The following MDGA2 variants were observed in gnomAD, a reference collection of about 807,000 sequenced individuals.
MDGA2 encodes MAM domain-containing glycosylphosphatidylinositol anchor protein 2.
A neutral mutation model predicts 117.8 loss-of-function variants in MDGA2; 40 were observed. The ratio of observed to expected loss-of-function variants is 0.34; its 90% confidence interval spans 0.26 to 0.44. The LOEUF is 0.44. MDGA2 is among the 20% of genes least tolerant of loss of function. The pLI is 1.00. For missense variants in MDGA2, 1,123 were observed against 1,250.6 expected (o/e 0.90, Z 1.54); for synonymous variants, 452 against 439.0 (o/e 1.03, Z -0.37).
Position 46,947,285 on chromosome 14 carries a change from TTAA to T in MDGA2, c.2089+10086_2089+10088del, listed in dbSNP as rs1885204569. Among the ~76,000 whole-genome samples the T allele has an allele frequency of 2.0e-5, 3 of 152,154 alleles. 1 individual carries two copies. The South Asian group carries it at 6.2e-4, about 32-fold the overall frequency. ...CTCTGCATGTCAAGTTGCACAAAGT[TTAA>T]TGTCTATATAATTCTAAATCCTGTA... On this transcript the variant is annotated intron_variant, in intron 9 of 16. Transcript: ENST00000399232.
chr14:47,587,684 T>C (rs921633296), intron 1 of MDGA2, among the ~76,000 whole-genome samples: 3 of 151,978 alleles, frequency 2.0e-5, no homozygotes, highest in Non-Finnish European at 4.4e-5. Flanking sequence ...CTGAATTTTA[T>C]TTTTTAACAT....
intron 2 of MDGA2, among the ~76,000 whole-genome samples, chr14:47,280,704 C>T (rs1315963455): frequency 2.0e-5 from 3 of 151,790 alleles, no homozygotes; most frequent in African/African-American, 7.3e-5. Context: ...TAAACCGACT[C>T]AAAAGTAAAA....
At chr14:47,047,601 T>TC (rs1487267570) in intron 7 of MDGA2, among the ~76,000 whole-genome samples, 1 of 152,068 alleles carries the variant, frequency 6.6e-6, no homozygotes, top group East Asian at 1.9e-4. Flanking sequence ...ACTCATAACC[T>TC]CTTAAGCCAA....
chr14:46,930,278 G>C (rs1356421726), intron 9 of MDGA2, among the ~76,000 whole-genome samples: 1 of 152,068 alleles, frequency 6.6e-6, no homozygotes, highest in African/African-American at 2.4e-5. Context: ...TGTAGATGCA[G>C]TACAAGCAAT....
intron 5 of MDGA2, among the ~76,000 whole-genome samples, chr14:47,115,506 G>GT (rs1033025432): frequency 2.8e-4 from 42 of 151,362 alleles, no homozygotes; most frequent in East Asian, 2.1e-3. Flanking sequence ...GATATATCAA[G>GT]TTTTTTTTTA....
chr14:47,433,063 A>G (rs1048776066), intron 1 of MDGA2, among the ~76,000 whole-genome samples: 2 of 152,128 alleles, frequency 1.3e-5, no homozygotes, highest in African/African-American at 4.8e-5. Context: ...TGAGCCAGTA[A>G]TGATAGATAT....
In MDGA2 at chr14:47,548,564, A is replaced by G. The variant is rs183899981; in HGVS notation, c.280+125953T>C. 1.1e-3 allele frequency among the ~76,000 whole-genome samples: 172 copies of G among 152,306 alleles called. 1 individual carries two copies. Among genetic ancestry groups the G allele is most frequent in the Non-Finnish European group, 1.9e-3 (131 of 68,024 alleles). On this transcript the variant is annotated intron_variant, in intron 1 of 16. Transcript: ENST00000399232. ...GATGAGACAGAGATTTCTTAAATGC[A>G]TTGAACCAGTAAGTTTCTTAGCTTT... is the stretch of plus-strand genomic sequence containing the variant.
At position 47,251,943 on chromosome 14, in the gene MDGA2, T is replaced by C. The variant is rs938586486; in HGVS notation, c.421-33748A>G. ...GTTGGTTTCTCTTGTATTATTATTA[T>C]TATTATTATTATTGGTGGTGGTTTG... is the stretch of plus-strand genomic sequence containing the variant. On this transcript the variant is annotated intron_variant, in intron 2 of 16. Coordinates refer to ENST00000399232, the MANE Select transcript of MDGA2 (RefSeq NM_001113498.3). 2.2e-4 allele frequency among the ~76,000 whole-genome samples: 34 copies of C among 151,890 alleles called. No individual in the cohort carries two copies. The South Asian group carries it at 6.7e-3, about 30-fold the overall frequency.
At chr14:47,240,023 G>C (rs1192231545) in intron 2 of MDGA2, among the ~76,000 whole-genome samples, 63 of 151,640 alleles carry the variant, frequency 4.2e-4, no homozygotes, top group Non-Finnish European at 1.5e-5. Context: ...TGGAAGGATA[G>C]ACATTATTTT....
intron 10 of MDGA2, among the ~76,000 whole-genome samples, chr14:46,883,904 A>G (rs770063422): frequency 6.6e-6 from 1 of 152,082 alleles, no homozygotes; most frequent in Non-Finnish European, 1.5e-5. Flanking sequence ...GTATCTAAAC[A>G]TATAGTATGC....
chr14:47,254,326 C>T (rs1297428720), intron 2 of MDGA2, among the ~76,000 whole-genome samples: 1 of 152,126 alleles, frequency 6.6e-6, no homozygotes, highest in Non-Finnish European at 1.5e-5. Flanking sequence ...GCTGTGTTTC[C>T]TCTTGAATGC....
At chr14:47,104,584 T>A (rs1420461321) in intron 5 of MDGA2, among the ~76,000 whole-genome samples, 3 of 150,752 alleles carry the variant, frequency 2.0e-5, no homozygotes, top group African/African-American at 7.3e-5. Flanking sequence ...CTGACTCTCT[T>A]TTCGGACTCA....
At chr14:47,040,351 T>G (rs1053908959) in intron 7 of MDGA2, among the ~76,000 whole-genome samples, 26 of 152,044 alleles carry the variant, frequency 1.7e-4, no homozygotes, top group African/African-American at 6.3e-4. Context: ...TATTTCCCTC[T>G]TTTTTTTACT....
At chr14:47,383,013 A>G (rs532040995) in intron 1 of MDGA2, among the ~76,000 whole-genome samples, 6 of 152,342 alleles carry the variant, frequency 3.9e-5, no homozygotes, top group Non-Finnish European at 7.3e-5. Context: ...ACCAGGAAAT[A>G]CTATGCAGCC....
intron 6 of MDGA2, among the ~76,000 whole-genome samples, chr14:47,064,563 T>C (rs141275395): frequency 1.4e-3 from 213 of 152,204 alleles, no homozygotes; most frequent in African/African-American, 4.9e-3. Context: ...TCTGGGTACA[T>C]TGAGAATTTG....
At chr14:47,272,263 G>A (rs1158091697) in intron 2 of MDGA2, among the ~76,000 whole-genome samples, 6 of 152,188 alleles carry the variant, frequency 3.9e-5, no homozygotes, top group South Asian at 2.1e-4. Context: ...ACAACCCCAC[G>A]AGGGAGGCAT....
intron 2 of MDGA2, among the ~76,000 whole-genome samples, chr14:47,274,560 C>A (rs991559470): frequency 6.6e-6 from 1 of 151,860 alleles, no homozygotes; most frequent in Non-Finnish European, 1.5e-5. Flanking sequence ...AGTTTTTGTG[C>A]GAAGGTATGT....
Position 47,035,224 on chromosome 14 carries a change from C to T in MDGA2, c.1606G>A (p.Val536Ile). 1 of 1,614,128 alleles carries T rather than the reference C, an allele frequency of 6.2e-7. No homozygotes were observed. Among genetic ancestry groups the T allele is most frequent in the Non-Finnish European group, 8.5e-7 (1 of 1,180,022 alleles). Residue 536 changes from valine to isoleucine, a missense_variant, in exon 8 of 17, where the codon GTA becomes ATA. By Grantham distance (29) the Val-to-Ile change is conservative. Around this residue, in one of 2 missense-constraint regions of MDGA2, gnomAD observed 890 missense variants for 1,050.3 expected, o/e 0.85. Coordinates refer to ENST00000399232, the MANE Select transcript of MDGA2 (RefSeq NM_001113498.3). The part of the protein sequence containing the change: ...EGDTIELQCQ[V>I]TGKPKPIILW... ...ATGATTGGTTTAGGTTTGCCAGTTA[C>T]TTGACATTGCAGTTCTATTGTGTCT... is the stretch of plus-strand genomic sequence containing the variant.
chr14:47,643,002 G>A (rs140763448), intron 1 of MDGA2, among the ~76,000 whole-genome samples: 49 of 152,090 alleles, frequency 3.2e-4, no homozygotes, highest in South Asian at 6.2e-4. Flanking sequence ...TATTTTGTAT[G>A]TATGTATGTA....
Sources: gnomAD v4.1 joint callset for allele counts (sites outside exome capture counted in the v4.1 genomes callset) on GRCh38, gnomAD v4.1.1 for gene constraint, gnomAD v4.1.1 regional missense constraint, MANE v1.5 for transcripts, NCBI Gene and HGNC (gene_info 2026-07-23, HGNC 2026-07-21) for gene names.